ANO3: variants seen among roughly 807,000 people sequenced by gnomAD.
ANO3 encodes anoctamin 3.
ANO3 carries 99 observed loss-of-function variants against 144.8 expected under a neutral mutation model. That is an observed-to-expected ratio of 0.68 (90% CI 0.58 to 0.81). ANO3 has a LOEUF of 0.81. Among genes scored for constraint, ANO3 ranks in the 30% least tolerant of loss-of-function variants. The pLI is 0.00. For missense variants in ANO3, 905 were observed against 1,202.2 expected, an observed-to-expected ratio of 0.75 and a Z score of 3.66; for synonymous variants, 414 against 392.6, an observed-to-expected ratio of 1.05 and a Z score of -0.64.
chr11:26,480,749 G>A (rs551861210), intron 4 of ANO3, among the ~76,000 whole-genome samples: 4 of 152,062 alleles, frequency 2.6e-5, no homozygotes, highest in East Asian at 1.9e-4. Flanking sequence ...TGGAGTTTGC[G>A]GTGAGCTGAG....
chr11:26,359,180 A>T (rs1283609822), intron 1 of ANO3, among the ~76,000 whole-genome samples: 1 of 152,216 alleles, frequency 6.6e-6, no homozygotes, highest in East Asian at 1.9e-4. Context: ...ATTGCTATGA[A>T]TATCCTCAAG....
chr11:26,237,547 A>G (rs886159331), intron 1 of ANO3, among the ~76,000 whole-genome samples: 7 of 151,908 alleles, frequency 4.6e-5, no homozygotes, highest in Non-Finnish European at 7.4e-5. Context: ...AATCTTAAAA[A>G]TTATCATTTT....
chr11:26,318,274 GC>G (rs1448676202), intron 1 of ANO3, among the ~76,000 whole-genome samples: 7 of 151,960 alleles, frequency 4.6e-5, no homozygotes, highest in Admixed American at 4.6e-4. Context: ...TGTATATTAA[GC>G]CTCAGAGTCC....
intron 1 of ANO3, among the ~76,000 whole-genome samples, chr11:26,243,315 T>C (rs1283217062): frequency 6.6e-6 from 1 of 152,132 alleles, no homozygotes; most frequent in East Asian, 1.9e-4. Context: ...CTCTTCTCTT[T>C]CTCTTAAAAG....
rs35624765 is a variant in ANO3 at position 26,283,483 on chromosome 11, G to T, written c.155-26162G>T. On this transcript the variant is annotated intron_variant, in intron 1 of 27. Coordinates refer to the ANO3 transcript ENST00000672621. ...GCCTGAGAAGACAAACCACACTATTGGTTAATTATGTAAAACATTCAACAA... is the reference window on the plus strand; with the variant it reads ...GCCTGAGAAGACAAACCACACTATTTGTTAATTATGTAAAACATTCAACAA... Among the ~76,000 whole-genome samples, 4 of 150,436 alleles carry T rather than the reference G, an allele frequency of 2.7e-5. No homozygotes were observed. The East Asian group carries it at 7.9e-4, about 30-fold the overall frequency.
intron 1 of ANO3, among the ~76,000 whole-genome samples, chr11:26,371,811 G>A (rs1856266970): frequency 6.6e-6 from 1 of 152,206 alleles, no homozygotes; most frequent in Admixed American, 6.5e-5. Flanking sequence ...TTTGGAGCTG[G>A]TGTATTTGCC....
intron 3 of ANO3, among the ~76,000 whole-genome samples, chr11:26,460,509 A>C (rs903411938): frequency 2.0e-5 from 3 of 151,908 alleles, no homozygotes; most frequent in Non-Finnish European, 2.9e-5. Context: ...AGAAAAGAAA[A>C]CAAATGTGAA....
intron 3 of ANO3, among the ~76,000 whole-genome samples, chr11:26,454,482 A>G (rs1208101517): frequency 6.6e-6 from 1 of 152,256 alleles, no homozygotes; most frequent in African/African-American, 2.4e-5. Flanking sequence ...TCTAGAAGAA[A>G]TGGATAAATT....
intron 1 of ANO3, among the ~76,000 whole-genome samples, chr11:26,213,970 T>A (rs1851987627): frequency 6.6e-6 from 1 of 152,046 alleles, no homozygotes; most frequent in Non-Finnish European, 1.5e-5. Context: ...TTTATTGATG[T>A]GATTTCTATT....
At chr11:26,470,132 C>T (rs186371737) in intron 4 of ANO3, among the ~76,000 whole-genome samples, 61 of 151,918 alleles carry the variant, frequency 4.0e-4, no homozygotes, top group Non-Finnish European at 8.1e-4. Flanking sequence ...GGTGTGGTAG[C>T]TCATGCCTAT....
In ANO3 at chr11:26,238,149, A is replaced by T. The variant is rs1852576812; in HGVS notation, c.154+48819A>T. ...GTGCATGGGCATGAATGCAACACAG[A>T]ATTAAACTTGAGCACAAAATTCCCT... On this transcript the variant is annotated intron_variant, in intron 1 of 27. Transcript: ENST00000672621. Among the ~76,000 whole-genome samples, 4 of 152,172 alleles carry T rather than the reference A, an allele frequency of 2.6e-5. No homozygotes were observed. The South Asian group carries it at 8.3e-4, about 31-fold the overall frequency.
At chr11:26,531,785 T>A (rs1378469020) in intron 8 of ANO3, among the ~76,000 whole-genome samples, 1 of 152,110 alleles carries the variant, frequency 6.6e-6, no homozygotes, top group Admixed American at 6.5e-5. Context: ...TAAACTAAAA[T>A]GAATGATAAT....
chr11:26,495,105 T>TTATTTATG (rs1228811987), intron 4 of ANO3, among the ~76,000 whole-genome samples: 2 of 148,912 alleles, frequency 1.3e-5, no homozygotes, highest in Non-Finnish European at 3.0e-5. Context: ...ATTTATTTAT[T>TTATTTATG]TATTTATTTA....
intron 1 of ANO3, among the ~76,000 whole-genome samples, chr11:26,236,726 G>C (rs1387379658): frequency 6.7e-6 from 1 of 150,190 alleles, no homozygotes; most frequent in Non-Finnish European, 1.5e-5. Context: ...GCTGAGGCAG[G>C]AGAATGGCGT....
intron 23 of ANO3, among the ~76,000 whole-genome samples, chr11:26,646,100 A>G (rs1048309774): frequency 6.6e-6 from 1 of 152,100 alleles, no homozygotes; most frequent in Non-Finnish European, 1.5e-5. Context: ...TCAATTTGGC[A>G]TTTATCCTTT....
intron 1 of ANO3, among the ~76,000 whole-genome samples, chr11:26,315,686 CATCT>C (rs764949318): frequency 5.3e-4 from 57 of 108,328 alleles, no homozygotes; most frequent in Middle Eastern, 5.2e-3. Context: ...TCTATCTATC[CATCT>C]ATCTATCTAT....
At chr11:26,489,827 G>C (rs1860630194) in intron 4 of ANO3, among the ~76,000 whole-genome samples, 1 of 152,162 alleles carries the variant, frequency 6.6e-6, no homozygotes, top group Non-Finnish European at 1.5e-5. Context: ...TATTGACCCA[G>C]TACATGTACC....
chr11:26,640,014 C>CTT (rs138652976), intron 21 of ANO3, among the ~76,000 whole-genome samples: 6 of 151,140 alleles, frequency 4.0e-5, no homozygotes, highest in South Asian at 4.2e-4. Flanking sequence ...AAATTATATT[C>CTT]TTTTTTTTTC....
intron 1 of ANO3, among the ~76,000 whole-genome samples, chr11:26,440,230 C>T (rs1858463629): frequency 6.6e-6 from 1 of 152,134 alleles, no homozygotes; most frequent in African/African-American, 2.4e-5. Context: ...TCTGTTTTCA[C>T]ATTGATAAGG....
Sources: allele counts gnomAD v4.1 joint callset (sites outside exome capture counted in the v4.1 genomes callset), GRCh38; gene constraint gnomAD v4.1.1; transcripts MANE v1.5; gene names NCBI Gene and HGNC (gene_info 2026-07-23, HGNC 2026-07-21).